Variants in GARNL3 observed in about 807,000 individuals in gnomAD.
The protein encoded by GARNL3 is GTPase-activating Rap/Ran-GAP domain-like protein 3.
In GARNL3, 63 loss-of-function variants were observed where a neutral mutation model predicts 125.0. That is an observed-to-expected ratio of 0.50 (90% CI 0.41 to 0.62). GARNL3 has a LOEUF of 0.62. GARNL3 is among the 20% of genes least tolerant of loss of function. The pLI is 0.00. For missense variants in GARNL3, 994 were observed against 1,244.0 expected, an observed-to-expected ratio of 0.80 and a Z score of 3.02; for synonymous variants, 439 against 457.5, an observed-to-expected ratio of 0.96 and a Z score of 0.52.
chr9:127,359,422 G>A (rs149073552), intron 21 of GARNL3, among the ~76,000 whole-genome samples: 24 of 152,288 alleles, frequency 1.6e-4, no homozygotes, highest in African/African-American at 4.3e-4. Context: ...GCCAGGAGGC[G>A]GAGGTTGCAG....
At position 127,336,247 on chromosome 9, in the gene GARNL3, C is replaced by T. The variant is rs375059141; in HGVS notation, c.982+11C>T. 1.8e-4 allele frequency: 279 copies of T among 1,586,516 alleles called. No homozygotes were observed. The highest frequency in any genetic ancestry group is 2.4e-4 in the Non-Finnish European group (275 of 1,155,770). On this transcript the variant is annotated intron_variant, in intron 11 of 27. Transcript: ENST00000373387. The stretch of plus-strand genomic sequence containing the variant: ...GCTCCCACTTTACACGTATCCTGGG[C>T]CTTTGTAAATGCTCCAGTGTGGCAA...
At chr9:127,245,580 A>G (rs1335804668) in intron 2 of GARNL3, among the ~76,000 whole-genome samples, 1 of 152,222 alleles carries the variant, frequency 6.6e-6, no homozygotes, top group Admixed American at 6.5e-5. Flanking sequence ...CCAAATTGCA[A>G]GGCAGCCAGA....
intron 13 of GARNL3, among the ~76,000 whole-genome samples, chr9:127,340,750 A>G (rs1829820263): frequency 6.6e-6 from 1 of 150,924 alleles, no homozygotes. Flanking sequence ...CCAACCTCCA[A>G]TCTTAATCCT....
chr9:127,225,825 G>A (rs2062901767), intron 1 of GARNL3, among the ~76,000 whole-genome samples: 1 of 151,038 alleles, frequency 6.6e-6, no homozygotes, highest in Non-Finnish European at 1.5e-5. Context: ...CGCGCCCCTT[G>A]CGCCCCTCGC....
intron 16 of GARNL3, among the ~76,000 whole-genome samples, chr9:127,345,739 G>A (rs764041725): frequency 1.3e-5 from 2 of 152,224 alleles, no homozygotes; most frequent in Non-Finnish European, 2.9e-5. Flanking sequence ...GCCCCACAGG[G>A]CCTCTCAAGC....
chr9:127,232,218 T>G (rs2063031288), intron 1 of GARNL3, among the ~76,000 whole-genome samples: 1 of 152,222 alleles, frequency 6.6e-6, no homozygotes, highest in Non-Finnish European at 1.5e-5. Flanking sequence ...GGTGTAGCCT[T>G]AATTGTCAGG....
upstream of GARNL3, among the ~76,000 whole-genome samples, chr9:127,262,633 G>A (rs1252102679): frequency 6.6e-6 from 1 of 152,254 alleles, no homozygotes; most frequent in Non-Finnish European, 1.5e-5. Context: ...CAGGACTCTG[G>A]ACTGAGGGAA....
intron 8 of GARNL3, 123 bp downstream of exon 8, chr9:127,332,472 C>T: frequency 1.3e-6 from 1 of 754,614 alleles, no homozygotes; most frequent in East Asian, 2.5e-5. Context: ...TAGTTTTACA[C>T]AATTTCAGCG....
At chr9:127,329,020 T>C (rs1230475132) in intron 7 of GARNL3, among the ~76,000 whole-genome samples, 2 of 152,198 alleles carry the variant, frequency 1.3e-5, no homozygotes, top group Non-Finnish European at 2.9e-5. Context: ...GAGCTCTGAA[T>C]GGCTGGTTAA....
At chr9:127,330,603 G>T (rs554125776) in intron 7 of GARNL3, among the ~76,000 whole-genome samples, 1 of 152,164 alleles carries the variant, frequency 6.6e-6, no homozygotes, top group Non-Finnish European at 1.5e-5. Context: ...AAACAGATAC[G>T]CAAGTTCAAT....
chr9:127,376,821 T>A (rs1429453269), intron 22 of GARNL3, among the ~76,000 whole-genome samples: 1 of 152,216 alleles, frequency 6.6e-6, no homozygotes, highest in Non-Finnish European at 1.5e-5. Context: ...GAAAGTTTTT[T>A]AAAAACTAGC....
chr9:127,271,433 A>G (rs964111359), intron 1 of GARNL3, among the ~76,000 whole-genome samples: 1 of 150,314 alleles, frequency 6.7e-6, no homozygotes, highest in African/African-American at 2.5e-5. Flanking sequence ...TAAATAAAGG[A>G]AAGAGAAAAC....
intron 4 of GARNL3, 137 bp downstream of exon 4, chr9:127,313,696 C>T: frequency 1.4e-6 from 1 of 700,346 alleles, no homozygotes; most frequent in Non-Finnish European, 2.6e-6. Context: ...GAGAAGTTGA[C>T]AGTGCCTTTG....
At chr9:127,352,803 A>G (rs2131657301) in intron 17 of GARNL3, among the ~76,000 whole-genome samples, 1 of 152,254 alleles carries the variant, frequency 6.6e-6, no homozygotes, top group South Asian at 2.1e-4. Flanking sequence ...TCCCAACCAC[A>G]CTTAGATTTC....
At chr9:127,252,507 T>C (rs2063423697) in intron 2 of GARNL3, among the ~76,000 whole-genome samples, 1 of 152,162 alleles carries the variant, frequency 6.6e-6, no homozygotes, top group Non-Finnish European at 1.5e-5. Flanking sequence ...ATTTGTTGAG[T>C]TAATTTATTA....
At chr9:127,333,605 G>T (rs747008351) in intron 9 of GARNL3, among the ~76,000 whole-genome samples, 3 of 152,124 alleles carry the variant, frequency 2.0e-5, no homozygotes, top group Non-Finnish European at 4.4e-5. Context: ...GAGCTTTTTT[G>T]AGGCCAGAGG....
At chr9:127,390,888 C>T in intron 27 of GARNL3, 121 bp downstream of exon 27, 1 of 1,000,094 alleles carries the variant, frequency 1.0e-6, no homozygotes, top group Non-Finnish European at 1.5e-6. Context: ...CAGCAGAGGG[C>T]CAGCAGCCTG....
At position 127,331,846 on chromosome 9, in the gene GARNL3, A is replaced by G. The variant is rs200483171; in HGVS notation, c.595-428A>G. Among the ~76,000 whole-genome samples the G allele has an allele frequency of 2.6e-5, 4 of 151,322 alleles. No homozygotes were observed. In the East Asian group the frequency reaches 7.8e-4, roughly 29 times the overall value. ...ATTTCTGTGTCTAAAAGAGTCCACAATATATCAGCCTGAGATTATGTTAAG... is the reference window on the plus strand; with the variant it reads ...ATTTCTGTGTCTAAAAGAGTCCACAGTATATCAGCCTGAGATTATGTTAAG... On this transcript the variant is annotated intron_variant, in intron 7 of 27. Coordinates refer to ENST00000373387, the MANE Select transcript of GARNL3 (RefSeq NM_032293.5).
Position 127,339,793 on chromosome 9 carries a change from T to C in GARNL3, c.1135+42T>C. 3.5e-6 allele frequency: 4 copies of C among 1,159,150 alleles called. No homozygotes were observed. In the South Asian group the frequency reaches 4.9e-5, roughly 14 times the overall value. The allele number at this position is 1,159,150 out of a possible 1,614,324, so 71.8% of individuals were successfully genotyped here. A position where few individuals can be genotyped will look rare whatever the true frequency, so the allele number is the denominator to read the frequency against. ...AAACAATTTTGCAACTTGTTCTATG[T>C]CAGAATACATTTCTTCAGATTCTCC... is the stretch of plus-strand genomic sequence containing the variant. On this transcript the variant is annotated intron_variant, in intron 13 of 27. Coordinates refer to ENST00000373387, the MANE Select transcript of GARNL3 (RefSeq NM_032293.5).
Sources: gnomAD v4.1 joint callset for allele counts (sites outside exome capture counted in the v4.1 genomes callset) on GRCh38, gnomAD v4.1.1 for gene constraint, MANE v1.5 for transcripts, NCBI Gene and HGNC (gene_info 2026-07-23, HGNC 2026-07-21) for gene names.